ZNF790: variants seen among roughly 807,000 people sequenced by gnomAD.
ZNF790 encodes zinc finger protein 790.
In ZNF790, 8 loss-of-function variants were observed where a neutral mutation model predicts 12.1. The ratio of observed to expected loss-of-function variants is 0.66; its 90% CI spans 0.39 to 1.19. The LOEUF (loss-of-function observed/expected upper bound fraction) is 1.19. ZNF790 is among the 50% of genes most tolerant of loss of function. ZNF790 has a pLI of 0.01. For missense variants in ZNF790, 707 were observed against 752.2 expected (o/e 0.94, Z 0.70); for synonymous variants, 252 against 244.3 (o/e 1.03, Z -0.29).
At chr19:36,827,171 T>C (rs1186232613) in intron 1 of ZNF790, among the ~76,000 whole-genome samples, 37 of 112,602 alleles carry the variant, frequency 3.3e-4, no homozygotes, top group African/African-American at 1.1e-3. Flanking sequence ...TATATATATA[T>C]ATATATACAC....
chr19:36,831,021 G>T (rs547144853), intron 1 of ZNF790, among the ~76,000 whole-genome samples: 3 of 151,912 alleles, frequency 2.0e-5, no homozygotes, highest in African/African-American at 7.2e-5. Context: ...TGCCTGTAGT[G>T]CCAGCTACTT....
In ZNF790 at chr19:36,818,575, TCA is replaced by T. The variant is rs2071592463; in HGVS notation, c.1767_1768del (p.Cys589Ter). 2 of 1,610,638 alleles carry T rather than the reference TCA, an allele frequency of 1.2e-6. No individual in the cohort carries two copies. The highest frequency in any genetic ancestry group is 1.7e-6 in the Non-Finnish European group (2 of 1,177,154). ...AAAGGTGTTCCCATAGTCTGTCCAT[TCA>T]CAGAGATTTGCACTATTATGAATTT... On this transcript the variant is annotated stop_gained and frameshift_variant, in exon 5 of 5. Coordinates refer to ENST00000356725, the MANE Select transcript of ZNF790 (RefSeq NM_206894.4). LOFTEE classifies it low-confidence loss of function (END_TRUNC).
intron 1 of ZNF790, among the ~76,000 whole-genome samples, chr19:36,826,257 G>A (rs2071794796): frequency 6.6e-6 from 1 of 152,040 alleles, no homozygotes; most frequent in South Asian, 2.1e-4. Flanking sequence ...TGGATTGGGC[G>A]AGTAGTCAGT....
rs772281949 is a variant in ZNF790, at chr19:36,819,318, C to G, written c.1026G>C (p.Glu342Asp). 3 of 1,611,108 alleles carry G rather than the reference C, an allele frequency of 1.9e-6. No individual in the cohort carries two copies. ...HTGEKPYECK[E>D]CGKAFTRGSH... is the part of the protein sequence containing the mutation. ...ATCCACGAGTAAAAGCTTTCCCACA[C>G]TCCTTACATTCATAAGGTTTTTCAC... Residue 342 changes from glutamate (E) to aspartate (D), a missense_variant, in exon 5 of 5, where the codon GAG becomes GAC. Physicochemically the swap from Glu to Asp is conservative, Grantham distance 45. Transcript: ENST00000356725.
At chr19:36,843,864 C>T (rs1032573201) in intron 1 of ZNF790, among the ~76,000 whole-genome samples, 72 of 151,676 alleles carry the variant, frequency 4.7e-4, no homozygotes, top group African/African-American at 1.5e-3. Context: ...CAAAATTAGC[C>T]GGGCATGGTG....
chr19:36,826,563 C>G (rs2071803861), intron 1 of ZNF790, among the ~76,000 whole-genome samples: 1 of 145,796 alleles, frequency 6.9e-6, no homozygotes, highest in Non-Finnish European at 1.5e-5. Context: ...AGCCTGGCGA[C>G]ACAGCGAGAC....
At chr19:36,836,447 A>G (rs554479286) in intron 1 of ZNF790, among the ~76,000 whole-genome samples, 2 of 151,962 alleles carry the variant, frequency 1.3e-5, no homozygotes, top group East Asian at 3.9e-4. Flanking sequence ...GCAGCAAGAC[A>G]AGCCTAAAAA....
upstream of ZNF790, among the ~76,000 whole-genome samples, chr19:36,842,266 A>G (rs190869874): frequency 3.1e-4 from 47 of 152,338 alleles, no homozygotes; most frequent in Admixed American, 1.0e-3. Context: ...AGAACCTTCA[A>G]AACTCAACAA....
chr19:36,818,595 A>G lies in ZNF790; in HGVS notation c.1749T>C (p.His583=). The change falls in exon 5 of 5, where the codon CAT becomes CAC. Residue 583 remains histidine, a synonymous_variant. Coordinates refer to ENST00000356725, the MANE Select transcript of ZNF790 (RefSeq NM_206894.4). ...HHSYFTEQKI[H]NSANLCEWTD... ...TCCATTCACAGAGATTTGCACTATTATGAATTTTTTGTTCAGTAAAATATG... is the reference window on the plus strand; with the variant it reads ...TCCATTCACAGAGATTTGCACTATTGTGAATTTTTTGTTCAGTAAAATATG... 2 of 1,611,210 alleles carry G rather than the reference A, an allele frequency of 1.2e-6. No individual in the cohort carries two copies. The highest frequency in any genetic ancestry group is 2.2e-5 in the East Asian group (1 of 44,798).
At chr19:36,844,237 G>A (rs1321932292) in intron 1 of ZNF790, among the ~76,000 whole-genome samples, 1 of 151,580 alleles carries the variant, frequency 6.6e-6, no homozygotes, top group Non-Finnish European at 1.5e-5. Flanking sequence ...TTTGAGCCCA[G>A]GAGATTGAGG....
At chr19:36,844,525 A>G (rs1038279107) in intron 1 of ZNF790, among the ~76,000 whole-genome samples, 1 of 152,060 alleles carries the variant, frequency 6.6e-6, no homozygotes, top group South Asian at 2.1e-4. Context: ...CCCAAAAGAA[A>G]AGTAGAGACA....
chr19:36,848,064 G>A (rs485256), intron 1 of ZNF790, among the ~76,000 whole-genome samples: 8,921 of 152,196 alleles, frequency 0.059, 856 homozygotes, highest in African/African-American at 0.2. Flanking sequence ...TTGCTTCTCA[G>A]GTATTTTGCT....
chr19:36,835,728 G>C (rs958921179), intron 1 of ZNF790, among the ~76,000 whole-genome samples: 8 of 151,840 alleles, frequency 5.3e-5, no homozygotes, highest in African/African-American at 1.7e-4. Flanking sequence ...AGCTCCAGGG[G>C]AGAATTCGTT....
At chr19:36,825,794 A>C in intron 1 of ZNF790, 102 bp from the exon 2 acceptor site, 2 of 698,928 alleles carry the variant, frequency 2.9e-6, no homozygotes, top group South Asian at 3.3e-5. Context: ...AAGGAACCTG[A>C]AGAAATCCTG....
intron 1 of ZNF790, among the ~76,000 whole-genome samples, chr19:36,836,426 C>T (rs892451323): frequency 2.0e-5 from 3 of 151,820 alleles, no homozygotes; most frequent in Admixed American, 6.6e-5. Context: ...CATTGTGGGC[C>T]GCAACCAAAT....
At chr19:36,836,096 G>A (rs943361766) in intron 1 of ZNF790, among the ~76,000 whole-genome samples, 17 of 151,960 alleles carry the variant, frequency 1.1e-4, no homozygotes, top group Admixed American at 1.1e-3. Context: ...TTCTTTCTGA[G>A]AGATACTCAG....
chr19:36,823,748 C>T lies in ZNF790; in HGVS notation c.52G>A (p.Glu18Lys), dbSNP rs755123298. The change falls in exon 3 of 5, where the codon GAG becomes AAG. Residue 18 changes from glutamate to lysine, a missense_variant. Physicochemically the swap from Glu to Lys is moderately conservative, Grantham distance 56 (BLOSUM62 1). Coordinates refer to ENST00000356725, the MANE Select transcript of ZNF790 (RefSeq NM_206894.4). Reference protein sequence around the residue: ...RDVAVDFSQEEWECLDLEQRD... With the variant: ...RDVAVDFSQEKWECLDLEQRD... ...TGTTCCAGGTCCAGGCACTCCCACT[C>T]CTCCTGAGAGAAATCTACAGCCACA... The T allele has an allele frequency of 6.2e-7, 1 of 1,613,204 alleles. No individual in the cohort carries two copies. The highest frequency in any genetic ancestry group is 8.5e-7 in the Non-Finnish European group (1 of 1,179,702).
In ZNF790 at chr19:36,847,310, C is replaced by T. The variant is rs77032974; in HGVS notation, c.-74+2692G>A. Among the ~76,000 whole-genome samples the T allele has an allele frequency of 5.2e-3, 790 of 152,036 alleles. 22 individuals are homozygous for T. Among genetic ancestry groups the T allele is most frequent in the Admixed American group, 0.039 (589 of 15,252 alleles). ...TGGTTGCAGTGAGCCGAGATTGCGC[C>T]ACTGCACTCCAGCCTGGGCAATACA... On this transcript the variant is annotated intron_variant, in intron 1 of 4. Coordinates refer to the ZNF790 transcript ENST00000528994.
Position 36,818,409 on chromosome 19 carries a change from C to T in ZNF790, c.*24G>A. ...CAATTAATGAGTCATGAATAAAGCC[C>T]TTCCTACACTTTTATATAATATTTC... On this transcript the variant is annotated 3_prime_UTR_variant, in exon 5 of 5. Transcript: ENST00000356725. 1 of 1,495,544 alleles carries T rather than the reference C, an allele frequency of 6.7e-7. No homozygotes were observed. The highest frequency in any genetic ancestry group is 8.9e-7 in the Non-Finnish European group (1 of 1,120,210). 92.6% of individuals were successfully genotyped at this position (1,495,544 alleles called of 1,614,324 possible).
Sources: allele counts gnomAD v4.1 joint callset (sites outside exome capture counted in the v4.1 genomes callset), GRCh38; gene constraint gnomAD v4.1.1; transcripts MANE v1.5; gene names NCBI Gene and HGNC (gene_info 2026-07-23, HGNC 2026-07-21).